The following SYPL1 variants were observed in gnomAD, a reference collection of about 807,000 sequenced individuals.
SYPL1 encodes the protein synaptophysin like 1, also known as synaptophysin-like protein 1.
A neutral mutation model predicts 23.7 loss-of-function variants in SYPL1; 6 were observed. The ratio of observed to expected loss-of-function variants is 0.25; its 90% CI spans 0.14 to 0.50. The LOEUF (loss-of-function observed/expected upper bound fraction) is 0.50. Ranked by LOEUF, SYPL1 falls within the 20% of genes least tolerant of loss-of-function variation. The probability of loss-of-function intolerance (pLI) is 0.98; values close to 1 mark genes in which losing one functional copy is unlikely to be tolerated. For missense variants in SYPL1, 253 were observed against 288.9 expected, an observed-to-expected ratio of 0.88 and a Z score of 0.90; for synonymous variants, 102 against 104.5, an observed-to-expected ratio of 0.98 and a Z score of 0.15.
Position 106,104,406 on chromosome 7 carries a change from T to C in SYPL1, c.70-5124A>G, listed in dbSNP as rs980091792. On this transcript the variant is annotated intron_variant, in intron 1 of 4. Transcript: ENST00000455385. This position sits in a 1 kb window ranked among gnomAD's most constrained non-coding sequence, Gnocchi z 4.1. ...AATAAAATAAAATAAAAAAATTAAA[T>C]GGAAAAATGAATTTCCTAATATAAC... 2.0e-5 allele frequency among the ~76,000 whole-genome samples: 3 copies of C among 152,138 alleles called. No homozygotes were observed. Among genetic ancestry groups the C allele is most frequent in the Non-Finnish European group, 1.5e-5 (1 of 68,020 alleles).
chr7:106,112,096 G>C (rs1199771738), intron 1 of SYPL1, 44 bp downstream of exon 1: 16 of 1,390,778 alleles, frequency 1.2e-5, no homozygotes, highest in African/African-American at 1.5e-5. Flanking sequence ...CTAGGGCGCC[G>C]CGCCGAGCGG....
chr7:106,093,393 G>A, intron 3 of SYPL1: 1 of 370,212 alleles, frequency 2.7e-6, no homozygotes, highest in Non-Finnish European at 4.8e-6. Flanking sequence ...AGAAACCAAA[G>A]TTTTATACAG....
At position 106,104,493 on chromosome 7, in the gene SYPL1, T is replaced by C. The variant is rs1331978944; in HGVS notation, c.70-5211A>G. ...TTGCTTTCAAGACTATCACTTCTAC[T>C]GCTCCTTTGCCAGACTGTCATGTCT... On this transcript the variant is annotated intron_variant, in intron 1 of 4. Coordinates refer to ENST00000455385, the MANE Select transcript of SYPL1 (RefSeq NM_182715.4). The surrounding 1 kb of genome is among the most constrained non-coding windows in gnomAD (Gnocchi z 4.1). Among the ~76,000 whole-genome samples, 1 of 152,244 alleles carries C rather than the reference T, an allele frequency of 6.6e-6. No individual in the cohort carries two copies. The highest frequency in any genetic ancestry group is 2.4e-5 in the African/African-American group (1 of 41,462).
At position 106,097,668 on chromosome 7, in the gene SYPL1, A is replaced by C; in HGVS notation, c.402+22T>G. On this transcript the variant is annotated intron_variant, in intron 3 of 4. Coordinates refer to ENST00000455385, the MANE Select transcript of SYPL1 (RefSeq NM_182715.4). The surrounding 1 kb of genome is among the most constrained non-coding windows in gnomAD (Gnocchi z 4.6). ...GCTTATACAAATTATTTTTGTATTT[A>C]AAAAATAAAGTGATTACTTACTATC... 2 of 1,559,750 alleles carry C rather than the reference A, an allele frequency of 1.3e-6. No individual in the cohort carries two copies. The highest frequency in any genetic ancestry group is 1.7e-6 in the Non-Finnish European group (2 of 1,149,776).
At chr7:106,092,368 A>G (rs1021447228) in intron 4 of SYPL1, among the ~76,000 whole-genome samples, 1 of 152,170 alleles carries the variant, frequency 6.6e-6, no homozygotes, top group African/African-American at 2.4e-5. Flanking sequence ...CAATGAGTTA[A>G]CCTCAAAGAA....
intron 1 of SYPL1, among the ~76,000 whole-genome samples, chr7:106,107,199 G>C (rs1053559259): frequency 1.1e-4 from 17 of 152,310 alleles, no homozygotes; most frequent in Admixed American, 8.5e-4. Flanking sequence ...TAGCACGTTT[G>C]CCTTTACAAT....
chr7:106,097,327 T>C lies in SYPL1; in HGVS notation c.402+363A>G, dbSNP rs561171469. Among the ~76,000 whole-genome samples the C allele has an allele frequency of 6.6e-6, 1 of 152,308 alleles. No homozygotes were observed. Among genetic ancestry groups the C allele is most frequent in the East Asian group, 1.9e-4 (1 of 5,190 alleles). ...TTTGTAGAAGTATAAAGTGGGCCTT[T>C]AGAGAAAGAAAAAAAGTAAGAAGCA... On this transcript the variant is annotated intron_variant, in intron 3 of 4. Transcript: ENST00000455385. The surrounding 1 kb of genome is among the most constrained non-coding windows in gnomAD (Gnocchi z 4.6).
Position 106,095,981 on chromosome 7 carries a change from TGATA to T in SYPL1, c.402+1705_402+1708del, listed in dbSNP as rs1254393557. ...AAAATATGAGAAATAAAGGGCACACTGATAGATTTAGTAAAAAAATTTGTTGGGA... is the reference window on the plus strand; with the variant it reads ...AAAATATGAGAAATAAAGGGCACACTGATTTAGTAAAAAAATTTGTTGGGA... On this transcript the variant is annotated intron_variant, in intron 3 of 4. Transcript: ENST00000455385. The surrounding 1 kb of genome is among the most constrained non-coding windows in gnomAD (Gnocchi z 4.3). Among the ~76,000 whole-genome samples the T allele has an allele frequency of 6.6e-6, 1 of 152,182 alleles. No homozygotes were observed. Among genetic ancestry groups the T allele is most frequent in the Non-Finnish European group, 1.5e-5 (1 of 68,018 alleles).
intron 4 of SYPL1, 139 bp from the exon 5 acceptor site, chr7:106,092,078 C>T (rs1839760951): frequency 1.3e-6 from 1 of 782,128 alleles, no homozygotes; most frequent in Non-Finnish European, 2.0e-6. Flanking sequence ...TTTAATACTA[C>T]ACACAATGAG....
chr7:106,103,141 T>TGGGGA (rs1269032963), intron 1 of SYPL1, among the ~76,000 whole-genome samples: 2 of 151,840 alleles, frequency 1.3e-5, no homozygotes, highest in Non-Finnish European at 2.9e-5. Flanking sequence ...TCATGAAAAA[T>TGGGGA]GGGGAGGGGA....
chr7:106,094,836 T>C (rs142634215), intron 3 of SYPL1, among the ~76,000 whole-genome samples: 165 of 152,328 alleles, frequency 1.1e-3, no homozygotes, highest in Middle Eastern at 3.4e-3. Flanking sequence ...AGGCCATTCT[T>C]ATATTTCAAA....
Position 106,104,913 on chromosome 7 carries a change from T to C in SYPL1, c.70-5631A>G, listed in dbSNP as rs575786416. ...ATATATTTGTGTGGCCTTTCCAGTA[T>C]TACAAAAAAATGTGAATTTGTTGTC... On this transcript the variant is annotated intron_variant, in intron 1 of 4. Transcript: ENST00000455385. This position sits in a 1 kb window ranked among gnomAD's most constrained non-coding sequence, Gnocchi z 4.1. Among the ~76,000 whole-genome samples the C allele has an allele frequency of 3.3e-4, 51 of 152,332 alleles. 1 individual carries two copies. The highest frequency in any genetic ancestry group is 1.2e-3 in the African/African-American group (51 of 41,594).
chr7:106,112,451 G>C (rs1004309538), upstream of SYPL1: 15 of 1,467,692 alleles, frequency 1.0e-5, no homozygotes, highest in Non-Finnish European at 1.3e-5. Context: ...CCGGGGCGGA[G>C]ACCGGGAGGC....
chr7:106,112,071 T>G (rs1322500643), intron 1 of SYPL1, 69 bp downstream of exon 1: 1 of 1,282,920 alleles, frequency 7.8e-7, no homozygotes, highest in East Asian at 3.5e-5. Context: ...GGCTCGCAGG[T>G]CCCCGTCTCC....
intron 1 of SYPL1, among the ~76,000 whole-genome samples, chr7:106,103,194 C>T (rs1840419016): frequency 1.3e-5 from 2 of 152,130 alleles, no homozygotes; most frequent in African/African-American, 4.8e-5. Flanking sequence ...TATATTCTTA[C>T]ACTGGGAAGT....
chr7:106,092,672 CAA>C (rs549863505), intron 4 of SYPL1: 8,558 of 263,030 alleles, frequency 0.033, no homozygotes, highest in East Asian at 0.042. Context: ...AACTCCATCT[CAA>C]AAAAAAAAAA....
At chr7:106,106,861 T>C (rs141779446) in intron 1 of SYPL1, among the ~76,000 whole-genome samples, 5 of 152,100 alleles carry the variant, frequency 3.3e-5, no homozygotes, top group African/African-American at 9.7e-5. Flanking sequence ...AATAAATAAA[T>C]AAAATTTAAA....
intron 1 of SYPL1, among the ~76,000 whole-genome samples, chr7:106,108,671 T>C (rs1420609623): frequency 6.6e-6 from 1 of 152,198 alleles, no homozygotes; most frequent in Non-Finnish European, 1.5e-5. Context: ...TCAGCTCTAT[T>C]TAAGTCGTAA....
chr7:106,101,777 T>TAAAAA (rs368949331), intron 1 of SYPL1, among the ~76,000 whole-genome samples: 3 of 133,372 alleles, frequency 2.2e-5, no homozygotes, highest in Non-Finnish European at 4.8e-5. Flanking sequence ...ACGTTTAAAT[T>TAAAAA]AAAAAAAAAA....
Sources: gnomAD v4.1 joint callset for allele counts (sites outside exome capture counted in the v4.1 genomes callset) on GRCh38, gnomAD v4.1.1 for gene constraint, Gnocchi (gnomAD v3.1) non-coding constraint, MANE v1.5 for transcripts, NCBI Gene and HGNC (gene_info 2026-07-23, HGNC 2026-07-21) for gene names.